The following SCHIP1 variants were observed in gnomAD, a reference collection of about 807,000 sequenced individuals.
SCHIP1 encodes the protein schwannomin-interacting protein 1.
SCHIP1 carries 8 observed loss-of-function variants against 29.7 expected under a neutral mutation model. That is an observed-to-expected ratio of 0.27 (90% CI 0.16 to 0.49). The LOEUF (loss-of-function observed/expected upper bound fraction) is 0.49. SCHIP1 is among the 20% of genes least tolerant of loss of function. The pLI is 0.99. For missense variants in SCHIP1, 193 were observed against 294.6 expected (o/e 0.66, Z 2.52); for synonymous variants, 76 against 94.9 (o/e 0.80, Z 1.16).
the SCHIP1 span, among the ~76,000 whole-genome samples, chr3:159,747,545 A>G: frequency 2.0e-5 from 3 of 152,168 alleles, no homozygotes; most frequent in Non-Finnish European, 4.4e-5. Flanking sequence ...GGCCAAGGTA[A>G]TCAACCTTAC....
the SCHIP1 span, among the ~76,000 whole-genome samples, chr3:159,423,966 C>G: frequency 1.3e-5 from 2 of 151,782 alleles, no homozygotes; most frequent in Non-Finnish European, 2.9e-5. Context: ...GAGTGGACCT[C>G]TAGCAAACTC....
chr3:159,419,680 G>T, the SCHIP1 span, among the ~76,000 whole-genome samples: 1 of 152,028 alleles, frequency 6.6e-6, no homozygotes, highest in Non-Finnish European at 1.5e-5. Context: ...GTGGTTGCAG[G>T]TGCCTGTAAT....
the SCHIP1 span, among the ~76,000 whole-genome samples, chr3:159,747,658 G>A: frequency 3.9e-5 from 6 of 152,148 alleles, no homozygotes; most frequent in East Asian, 7.8e-4. Flanking sequence ...GTATGACCAC[G>A]GGTTCAGTAC....
chr3:159,582,693 T>C, the SCHIP1 span, among the ~76,000 whole-genome samples: 178 of 152,024 alleles, frequency 1.2e-3, no homozygotes, highest in African/African-American at 4.0e-3. Context: ...ATTAGCTTAA[T>C]TGTGATATTT....
the SCHIP1 span, among the ~76,000 whole-genome samples, chr3:159,596,752 G>A: frequency 6.7e-6 from 1 of 150,322 alleles, no homozygotes; most frequent in African/African-American, 2.4e-5. Flanking sequence ...TGAACAATGA[G>A]AACACTTGGA....
intron 2 of SCHIP1, among the ~76,000 whole-genome samples, chr3:159,870,972 T>C (rs1465608409): frequency 6.6e-6 from 1 of 152,180 alleles, no homozygotes; most frequent in African/African-American, 2.4e-5. Context: ...CTTAAGTGGT[T>C]ATAATATTAT....
chr3:159,368,779 T>C, the SCHIP1 span, among the ~76,000 whole-genome samples: 1 of 152,154 alleles, frequency 6.6e-6, no homozygotes, highest in Admixed American at 6.5e-5. Context: ...TTAGGTCCAG[T>C]AGGGCTTGAG....
At chr3:159,556,576 C>T in the SCHIP1 span, among the ~76,000 whole-genome samples, 93 of 151,826 alleles carry the variant, frequency 6.1e-4, no homozygotes, top group African/African-American at 2.0e-3. Flanking sequence ...CACCATGGAA[C>T]ACTATGCAGC....
the SCHIP1 span, among the ~76,000 whole-genome samples, chr3:159,795,955 A>G: frequency 6.6e-6 from 1 of 152,242 alleles, no homozygotes. Context: ...CTCCCCAGGC[A>G]TAATGAATCA....
chr3:159,705,013 G>A, the SCHIP1 span, among the ~76,000 whole-genome samples: 1 of 150,618 alleles, frequency 6.6e-6, no homozygotes, highest in South Asian at 2.1e-4. Flanking sequence ...GCCCAGGCTG[G>A]ACTGCAATGG....
the SCHIP1 span, among the ~76,000 whole-genome samples, chr3:159,606,226 T>C: frequency 6.6e-5 from 10 of 152,322 alleles, no homozygotes; most frequent in African/African-American, 2.2e-4. Context: ...TGGTAGCTTT[T>C]TACTTTGCCA....
At chr3:159,598,159 G>A in the SCHIP1 span, among the ~76,000 whole-genome samples, 1 of 152,104 alleles carries the variant, frequency 6.6e-6, no homozygotes, top group East Asian at 1.9e-4. Context: ...ATGAGATTTG[G>A]GTGGGGACAC....
At chr3:159,543,481 C>T in the SCHIP1 span, among the ~76,000 whole-genome samples, 1 of 148,850 alleles carries the variant, frequency 6.7e-6, no homozygotes, top group Admixed American at 6.8e-5. Flanking sequence ...GGTTTTTTGT[C>T]CTTACGATAG....
chr3:159,635,911 G>A, the SCHIP1 span, among the ~76,000 whole-genome samples: 32 of 152,130 alleles, frequency 2.1e-4, no homozygotes, highest in Non-Finnish European at 4.3e-4. Flanking sequence ...GGAGAAAGAG[G>A]AAAGTATACG....
the SCHIP1 span, among the ~76,000 whole-genome samples, chr3:159,550,811 C>A: frequency 1.3e-5 from 2 of 152,048 alleles, no homozygotes; most frequent in African/African-American, 4.8e-5. Context: ...ACTGCTACAA[C>A]AAAATGGCAC....
the SCHIP1 span, among the ~76,000 whole-genome samples, chr3:159,617,640 C>T: frequency 3.3e-5 from 5 of 152,160 alleles, no homozygotes; most frequent in Non-Finnish European, 7.3e-5. Context: ...CCACCATCTT[C>T]CCCAGAGCTC....
At chr3:159,631,294 A>C in the SCHIP1 span, among the ~76,000 whole-genome samples, 1 of 152,160 alleles carries the variant, frequency 6.6e-6, no homozygotes, top group African/African-American at 2.4e-5. Flanking sequence ...TTTCTCAAAA[A>C]TTTAAACATA....
At chr3:159,307,074 T>C in the SCHIP1 span, among the ~76,000 whole-genome samples, 1 of 152,154 alleles carries the variant, frequency 6.6e-6, no homozygotes, top group Non-Finnish European at 1.5e-5. Flanking sequence ...AAATGAGATA[T>C]ACATAAATAT....
At chr3:159,499,733 A>C in the SCHIP1 span, among the ~76,000 whole-genome samples, 1 of 152,240 alleles carries the variant, frequency 6.6e-6, no homozygotes, top group Non-Finnish European at 1.5e-5. Context: ...ATTTCTAAAT[A>C]TGTAACAAGT....
Sources: allele counts gnomAD v4.1 joint callset (sites outside exome capture counted in the v4.1 genomes callset), GRCh38; gene constraint gnomAD v4.1.1; transcripts MANE v1.5; gene names NCBI Gene and HGNC (gene_info 2026-07-23, HGNC 2026-07-21).